The following LMBRD1 variants were observed in gnomAD, a reference collection of about 807,000 sequenced individuals.
The protein encoded by LMBRD1 is LMBR1 domain containing 1.
A neutral mutation model predicts 74.8 loss-of-function variants in LMBRD1; 64 were observed. The ratio of observed to expected loss-of-function variants is 0.86; its 90% CI spans 0.70 to 1.05. The LOEUF is 1.05. Among genes scored for constraint, LMBRD1 ranks in the 50% least tolerant of loss-of-function variants. The pLI is 0.00. For synonymous variants in LMBRD1, 204 were observed against 216.3 expected (o/e 0.94, Z 0.50); for missense variants, 652 against 645.9 (o/e 1.01, Z -0.10).
rs577384786 is a variant in LMBRD1, at chr6:69,712,260, G to A, written c.915+1385C>T. ...TTTTTAGTCTCAGCCATATTAAAGT[G>A]ATCTTAATTCATTCTAGGTAATTAG... On this transcript the variant is annotated intron_variant, in intron 9 of 15. Transcript: ENST00000649934. 2.0e-3 allele frequency among the ~76,000 whole-genome samples: 311 copies of A among 152,204 alleles called. 2 individuals carry two copies. The highest frequency in any genetic ancestry group is 7.2e-3 in the African/African-American group (301 of 41,544).
chr6:69,742,541 T>C (rs1767127070), intron 5 of LMBRD1, among the ~76,000 whole-genome samples: 1 of 152,128 alleles, frequency 6.6e-6, no homozygotes, highest in Non-Finnish European at 1.5e-5. Flanking sequence ...CTTTATTATC[T>C]AGCCCATATC....
intron 14 of LMBRD1, among the ~76,000 whole-genome samples, chr6:69,695,055 C>A (rs1160088715): frequency 2.6e-5 from 4 of 152,052 alleles, no homozygotes; most frequent in Non-Finnish European, 5.9e-5. Context: ...GAGGCCATAT[C>A]CTTGCTTCCT....
intron 3 of LMBRD1, among the ~76,000 whole-genome samples, chr6:69,768,951 T>G (rs1765524283): frequency 6.6e-6 from 1 of 152,158 alleles, no homozygotes; most frequent in South Asian, 2.1e-4. Context: ...TTTTGGCTGC[T>G]TTTAAATTTT....
chr6:69,720,253 C>A (rs1766584810), intron 7 of LMBRD1, among the ~76,000 whole-genome samples: 1 of 152,006 alleles, frequency 6.6e-6, no homozygotes, highest in Non-Finnish European at 1.5e-5. Context: ...CATGTAATAT[C>A]AACTCTACAG....
intron 9 of LMBRD1, among the ~76,000 whole-genome samples, chr6:69,703,525 T>C (rs1429502342): frequency 6.6e-6 from 1 of 150,670 alleles, no homozygotes; most frequent in Non-Finnish European, 1.5e-5. Context: ...TAGAGATGAC[T>C]GACCCAGAGT....
At chr6:69,750,906 A>G (rs1361902626) in intron 4 of LMBRD1, among the ~76,000 whole-genome samples, 1 of 152,164 alleles carries the variant, frequency 6.6e-6, no homozygotes, top group Non-Finnish European at 1.5e-5. Flanking sequence ...AATGCTCTTG[A>G]AGTTTTAAGC....
At chr6:69,695,347 A>G (rs1765972519) in intron 14 of LMBRD1, among the ~76,000 whole-genome samples, 1 of 151,934 alleles carries the variant, frequency 6.6e-6, no homozygotes, top group Admixed American at 6.6e-5. Context: ...CTTCTTCTCC[A>G]TACCTTCCTT....
At chr6:69,684,489 T>C (rs1190782482) in intron 14 of LMBRD1, among the ~76,000 whole-genome samples, 2 of 152,112 alleles carry the variant, frequency 1.3e-5, no homozygotes, top group Non-Finnish European at 2.9e-5. Context: ...ATAATGCCTT[T>C]AAAGTTGTAA....
chr6:69,694,850 A>G (rs561339093), intron 14 of LMBRD1, among the ~76,000 whole-genome samples: 38 of 152,300 alleles, frequency 2.5e-4, no homozygotes, highest in African/African-American at 9.1e-4. Context: ...ACCTATCATT[A>G]ACTTACCTTC....
At chr6:69,686,789 T>C (rs1282134289) in intron 14 of LMBRD1, among the ~76,000 whole-genome samples, 1 of 152,216 alleles carries the variant, frequency 6.6e-6, no homozygotes, top group Admixed American at 6.5e-5. Context: ...ATGATCTGTA[T>C]CACAGGTAGG....
At chr6:69,763,436 C>G (rs935068339) in intron 3 of LMBRD1, among the ~76,000 whole-genome samples, 2 of 152,080 alleles carry the variant, frequency 1.3e-5, no homozygotes, top group Non-Finnish European at 2.9e-5. Context: ...CCAGTTTGAA[C>G]TGAAGGGGAG....
At chr6:69,704,409 G>C (rs1240899709) in intron 9 of LMBRD1, among the ~76,000 whole-genome samples, 4 of 151,872 alleles carry the variant, frequency 2.6e-5, no homozygotes, top group African/African-American at 7.3e-5. Flanking sequence ...ATTTACTTAT[G>C]TCAATATAGA....
chr6:69,713,303 T>C (rs1311011352), intron 9 of LMBRD1, among the ~76,000 whole-genome samples: 3 of 152,142 alleles, frequency 2.0e-5, no homozygotes, highest in African/African-American at 4.8e-5. Context: ...ACATAAGACC[T>C]GAATCTGTAA....
At chr6:69,728,876 G>T (rs1766793206) in intron 7 of LMBRD1, among the ~76,000 whole-genome samples, 1 of 152,170 alleles carries the variant, frequency 6.6e-6, no homozygotes, top group Non-Finnish European at 1.5e-5. Flanking sequence ...CACTACAGAA[G>T]ATAAGGCAGC....
chr6:69,793,129 A>T (rs1227617059), intron 1 of LMBRD1, among the ~76,000 whole-genome samples: 5 of 152,234 alleles, frequency 3.3e-5, no homozygotes, highest in Admixed American at 2.6e-4. Flanking sequence ...AGTAGTAGTT[A>T]TTAGATAATT....
At chr6:69,752,923 ACT>A (rs1278534716) in intron 3 of LMBRD1, among the ~76,000 whole-genome samples, 2 of 152,032 alleles carry the variant, frequency 1.3e-5, no homozygotes, top group African/African-American at 2.4e-5. Flanking sequence ...GTAAAATTAG[ACT>A]CTCTATTTAC....
At chr6:69,719,106 T>C (rs773282033) in intron 7 of LMBRD1, 25 bp from the exon 8 acceptor site, 3 of 1,606,258 alleles carry the variant, frequency 1.9e-6, no homozygotes, top group African/African-American at 1.3e-5. Context: ...ATTGAAATGT[T>C]TTAGAAATAA....
At chr6:69,677,466 G>A (rs1765571925) in intron 14 of LMBRD1, among the ~76,000 whole-genome samples, 1 of 152,086 alleles carries the variant, frequency 6.6e-6, no homozygotes, top group Admixed American at 6.6e-5. Context: ...ACATGGTTGG[G>A]GGAAGAGAAG....
chr6:69,704,365 G>A (rs1014060365), intron 9 of LMBRD1, among the ~76,000 whole-genome samples: 7 of 151,988 alleles, frequency 4.6e-5, no homozygotes, highest in Admixed American at 3.9e-4. Context: ...CTACTGTAGG[G>A]AAGAGGTTTC....
Sources: allele counts gnomAD v4.1 joint callset (sites outside exome capture counted in the v4.1 genomes callset), GRCh38; gene constraint gnomAD v4.1.1; transcripts MANE v1.5; gene names NCBI Gene and HGNC (gene_info 2026-07-23, HGNC 2026-07-21).